KIF21A: variants seen among roughly 807,000 people sequenced by gnomAD.
KIF21A encodes the protein kinesin family member 21A, also known as kinesin-like protein KIF21A.
KIF21A carries 114 observed loss-of-function variants against 202.9 expected under a neutral mutation model. That is an observed-to-expected ratio of 0.56 (90% CI 0.48 to 0.66). KIF21A has a LOEUF of 0.66. Among genes scored for constraint, KIF21A ranks in the 30% least tolerant of loss-of-function variants. KIF21A has a pLI of 0.00. For synonymous variants in KIF21A, 667 were observed against 670.8 expected (o/e 0.99, Z 0.09); for missense variants, 1,677 against 1,994.9 (o/e 0.84, Z 3.04).
At chr12:39,302,875 A>C in intron 36 of KIF21A, 90 bp downstream of exon 36, 1 of 1,115,362 alleles carries the variant, frequency 9.0e-7, no homozygotes, top group Non-Finnish European at 1.4e-6. Flanking sequence ...TAAATGATAA[A>C]AATCTACATA....
chr12:39,434,753 A>C (rs375239642), intron 1 of KIF21A, among the ~76,000 whole-genome samples: 11 of 152,164 alleles, frequency 7.2e-5, no homozygotes, highest in African/African-American at 2.2e-4. Context: ...GAAGGAATAC[A>C]ATTGAGGCTA....
In KIF21A at chr12:39,332,308, T is replaced by C. The variant is rs968203446; in HGVS notation, c.2957A>G (p.Asn986Ser). Residue 986 changes from asparagine to serine, a missense_variant, in exon 21 of 38, where the codon AAT (asparagine) becomes AGT (serine). By Grantham distance (46) the Asn-to-Ser change is conservative. Around this residue, in one of 3 missense-constraint regions of KIF21A, gnomAD observed 966 missense variants for 1,180.9 expected, o/e 0.82. Coordinates refer to ENST00000361418, the MANE Select transcript of KIF21A (RefSeq NM_001173464.2). The stretch of plus-strand genomic sequence containing the variant: ...AGCAGTCAGTGACTCCATCTCTTCA[T>C]TGATATTAGCCACATTTTTATCTCC... Reference protein sequence around the residue: ...GEGDKNVANINEEMESLTANI... With the variant: ...GEGDKNVANISEEMESLTANI... 1.2e-6 allele frequency: 2 copies of C among 1,613,438 alleles called. No individual in the cohort carries two copies. The highest frequency in any genetic ancestry group is 1.3e-5 in the African/African-American group (1 of 74,894).
At chr12:39,425,003 C>T (rs948078712) in intron 1 of KIF21A, among the ~76,000 whole-genome samples, 6 of 152,084 alleles carry the variant, frequency 3.9e-5, no homozygotes, top group African/African-American at 9.7e-5. Flanking sequence ...TCTTCACCCT[C>T]GGTTCTATTT....
At chr12:39,413,298 T>G (rs917324979) in intron 1 of KIF21A, among the ~76,000 whole-genome samples, 1 of 152,212 alleles carries the variant, frequency 6.6e-6, no homozygotes, top group Non-Finnish European at 1.5e-5. Flanking sequence ...TAGCTTATAT[T>G]GCATGCCTAG....
chr12:39,390,640 A>T (rs1951279886), intron 1 of KIF21A, among the ~76,000 whole-genome samples: 1 of 152,186 alleles, frequency 6.6e-6, no homozygotes. Context: ...TGTAATGTAT[A>T]ACCTACAAAA....
chr12:39,312,084 T>G (rs1944087007), intron 31 of KIF21A: 1 of 152,996 alleles, frequency 6.5e-6, no homozygotes, highest in Non-Finnish European at 1.5e-5. Flanking sequence ...ATCAAAAACT[T>G]AAAGAACTGA....
intron 6 of KIF21A, among the ~76,000 whole-genome samples, chr12:39,365,478 T>C (rs1317948429): frequency 6.6e-6 from 1 of 152,252 alleles, no homozygotes; most frequent in Non-Finnish European, 1.5e-5. Context: ...AACTTTGCTC[T>C]AAAATATTTC....
At chr12:39,413,986 T>A (rs1405185286) in intron 1 of KIF21A, among the ~76,000 whole-genome samples, 5 of 152,206 alleles carry the variant, frequency 3.3e-5, no homozygotes, top group Non-Finnish European at 7.3e-5. Flanking sequence ...AAAAATTTAC[T>A]TGTTGAAGCT....
chr12:39,346,823 T>A (rs1021357092), intron 11 of KIF21A, among the ~76,000 whole-genome samples: 1 of 151,856 alleles, frequency 6.6e-6, no homozygotes, highest in East Asian at 1.9e-4. Flanking sequence ...GCCTTTTTTT[T>A]AGTCTGAAGT....
At chr12:39,306,306 T>C (rs1943469805) in intron 34 of KIF21A, among the ~76,000 whole-genome samples, 1 of 152,232 alleles carries the variant, frequency 6.6e-6, no homozygotes, top group African/African-American at 2.4e-5. Flanking sequence ...GTATCTTTTC[T>C]GCCTTGTGTC....
At chr12:39,440,752 G>A (rs1451601928) in intron 1 of KIF21A, among the ~76,000 whole-genome samples, 3 of 152,192 alleles carry the variant, frequency 2.0e-5, no homozygotes, top group Non-Finnish European at 2.9e-5. Flanking sequence ...TTATCCAGGC[G>A]CAGTGGCTAA....
intron 24 of KIF21A, among the ~76,000 whole-genome samples, chr12:39,328,120 C>T (rs1946135514): frequency 6.6e-6 from 1 of 152,138 alleles, no homozygotes; most frequent in Non-Finnish European, 1.5e-5. Flanking sequence ...TGGCTGACAT[C>T]TAAAAACAGC....
rs777847993 is a variant in KIF21A at position 39,309,657 on chromosome 12, G to A, written c.4206C>T (p.Val1402=). ...SVKYCNYTSL[V]FTVSTSYIKV... is the part of the protein sequence containing the mutation. ...TAATATAAGATGTTGATACAGTGAAGACCAAACTGGTATAATTACAGTATT... is the reference window on the plus strand; with the variant it reads ...TAATATAAGATGTTGATACAGTGAAAACCAAACTGGTATAATTACAGTATT... The change falls in exon 33 of 38, where the codon GTC becomes GTT. Residue 1402 remains valine, a synonymous_variant. Coordinates refer to ENST00000361418, the MANE Select transcript of KIF21A (RefSeq NM_001173464.2). 1.2e-6 allele frequency: 2 copies of A among 1,613,046 alleles called. No individual in the cohort carries two copies. The highest frequency in any genetic ancestry group is 1.1e-5 in the South Asian group (1 of 91,060).
intron 36 of KIF21A, among the ~76,000 whole-genome samples, chr12:39,302,700 T>C (rs868092180): frequency 9.2e-5 from 14 of 152,310 alleles, no homozygotes; most frequent in Middle Eastern, 6.8e-3. Flanking sequence ...TTTTATTTAA[T>C]AAACACATGC....
Position 39,437,982 on chromosome 12 carries a change from T to C in KIF21A, c.44+4945A>G, listed in dbSNP as rs537640822. 3.3e-5 allele frequency among the ~76,000 whole-genome samples: 5 copies of C among 152,332 alleles called. No individual in the cohort carries two copies. In the East Asian group the frequency reaches 5.8e-4, roughly 18 times the overall value. The stretch of plus-strand genomic sequence containing the variant: ...TTCAACTTAAAAGATCCTTATTACA[T>C]TGAAATTATTAAGTAAAATTTTTTA... On this transcript the variant is annotated intron_variant, in intron 1 of 37. Coordinates refer to ENST00000361418, the MANE Select transcript of KIF21A (RefSeq NM_001173464.2).
chr12:39,323,998 T>C (rs1945575474), intron 26 of KIF21A, among the ~76,000 whole-genome samples: 1 of 151,862 alleles, frequency 6.6e-6, no homozygotes, highest in African/African-American at 2.4e-5. Context: ...TTGTCCCAGC[T>C]ACTCAGGAGG....
chr12:39,348,005 G>T (rs1453558303), intron 11 of KIF21A, among the ~76,000 whole-genome samples: 1 of 152,036 alleles, frequency 6.6e-6, no homozygotes, highest in Non-Finnish European at 1.5e-5. Context: ...ATTCCCTCAT[G>T]AAGAACCCAG....
chr12:39,331,058 G>T, intron 22 of KIF21A, 147 bp from the exon 23 acceptor site: 1 of 772,152 alleles, frequency 1.3e-6, no homozygotes, highest in South Asian at 1.5e-5. Context: ...AACTGGCTTA[G>T]TGATCATGTA....
chr12:39,405,916 C>T (rs1479724858), intron 1 of KIF21A, among the ~76,000 whole-genome samples: 2 of 151,992 alleles, frequency 1.3e-5, no homozygotes, highest in Non-Finnish European at 2.9e-5. Flanking sequence ...AGTTACAAAC[C>T]CATCATTATA....
Sources: allele counts gnomAD v4.1 joint callset (sites outside exome capture counted in the v4.1 genomes callset), GRCh38; gene constraint gnomAD v4.1.1; regional missense constraint gnomAD v4.1.1; transcripts MANE v1.5; gene names NCBI Gene and HGNC (gene_info 2026-07-23, HGNC 2026-07-21).